The following ZBTB20 variants were observed in gnomAD, a reference collection of about 807,000 sequenced individuals.
The protein encoded by ZBTB20 is zinc finger and BTB domain containing 20.
A neutral mutation model predicts 56.9 loss-of-function variants in ZBTB20; 9 were observed. That is an observed-to-expected ratio of 0.16 (90% confidence interval 0.10 to 0.28). The LOEUF is 0.28. Ranked by LOEUF, ZBTB20 falls within the 10% of genes least tolerant of loss-of-function variation. The pLI is 1.00. For synonymous variants in ZBTB20, 417 were observed against 420.7 expected (o/e 0.99, Z 0.11); for missense variants, 655 against 1,003.0 (o/e 0.65, Z 4.69).
chr3:114,755,786 GC>G (rs2067968244), intron 5 of ZBTB20, among the ~76,000 whole-genome samples: 1 of 152,096 alleles, frequency 6.6e-6, no homozygotes, highest in Non-Finnish European at 1.5e-5. Flanking sequence ...GGTATCTGCA[GC>G]CTTCAATTCT....
intron 7 of ZBTB20, among the ~76,000 whole-genome samples, chr3:114,479,134 A>G (rs1387856288): frequency 6.6e-6 from 1 of 151,496 alleles, no homozygotes; most frequent in Admixed American, 6.6e-5. Context: ...TGTGAGTTCT[A>G]TTTTGGATTT....
At chr3:114,882,144 G>C (rs2076423439) in intron 4 of ZBTB20, among the ~76,000 whole-genome samples, 1 of 151,800 alleles carries the variant, frequency 6.6e-6, no homozygotes, top group Non-Finnish European at 1.5e-5. Context: ...ATACAGAAAA[G>C]TATTATAGCC....
intron 4 of ZBTB20, among the ~76,000 whole-genome samples, chr3:114,814,944 G>A (rs1424948483): frequency 6.6e-6 from 1 of 152,082 alleles, no homozygotes; most frequent in Non-Finnish European, 1.5e-5. Context: ...CTCCATATGA[G>A]ATAAGAAAGG....
intron 2 of ZBTB20, among the ~76,000 whole-genome samples, chr3:114,986,730 T>C (rs888436003): frequency 1.3e-5 from 2 of 152,122 alleles, no homozygotes; most frequent in African/African-American, 4.8e-5. Flanking sequence ...TTAAACGCAT[T>C]ATATGTTTTT....
Position 114,339,734 on chromosome 3 carries a change from A to G in ZBTB20, c.1805-308T>C, listed in dbSNP as rs1267212962. Among the ~76,000 whole-genome samples the G allele has an allele frequency of 1.3e-5, 2 of 152,184 alleles. No individual in the cohort carries two copies. Among genetic ancestry groups the G allele is most frequent in the Non-Finnish European group, 2.9e-5 (2 of 68,014 alleles). On this transcript the variant is annotated intron_variant, in intron 11 of 11. Coordinates refer to ENST00000675478, the MANE Select transcript of ZBTB20 (RefSeq NM_001348800.3). The surrounding 1 kb of genome is among the most constrained non-coding windows in gnomAD (Gnocchi z 4.2). ...AAGTCTTCAAGGTCACTCCGTGGAAAAGGGAGGGCTACTTTTGAAGGGGGT... is the reference window on the plus strand; with the variant it reads ...AAGTCTTCAAGGTCACTCCGTGGAAGAGGGAGGGCTACTTTTGAAGGGGGT...
At chr3:114,486,713 C>G (rs926675760) in intron 7 of ZBTB20, among the ~76,000 whole-genome samples, 1 of 152,126 alleles carries the variant, frequency 6.6e-6, no homozygotes. Context: ...ACACGGTTCT[C>G]TCATTCAAAG....
At chr3:114,433,225 G>T (rs536946461) in intron 7 of ZBTB20, among the ~76,000 whole-genome samples, 1 of 152,196 alleles carries the variant, frequency 6.6e-6, no homozygotes, top group Non-Finnish European at 1.5e-5. Flanking sequence ...CTAAGCTCAA[G>T]TCAGGAACCA....
intron 1 of ZBTB20, among the ~76,000 whole-genome samples, chr3:115,093,736 C>T (rs979116373): frequency 1.3e-5 from 2 of 152,022 alleles, no homozygotes; most frequent in African/African-American, 4.8e-5. Flanking sequence ...CAACTCCGAA[C>T]CCAAGAATTA....
intron 6 of ZBTB20, among the ~76,000 whole-genome samples, chr3:114,525,286 C>CCCTAA (rs1159186109): frequency 1.3e-5 from 2 of 151,992 alleles, no homozygotes; most frequent in Non-Finnish European, 2.9e-5. Context: ...AATAAATGCC[C>CCCTAA]CCTATAACAT....
intron 6 of ZBTB20, among the ~76,000 whole-genome samples, chr3:114,623,800 C>A (rs917052069): frequency 6.6e-6 from 1 of 151,604 alleles, no homozygotes; most frequent in Admixed American, 6.6e-5. Context: ...TACCTCCCTG[C>A]CCCCACTCAC....
chr3:114,993,768 T>C (rs2078916521), intron 2 of ZBTB20, among the ~76,000 whole-genome samples: 1 of 151,848 alleles, frequency 6.6e-6, no homozygotes, highest in Non-Finnish European at 1.5e-5. Context: ...TGGTTCTTAG[T>C]GGAAAATTTA....
chr3:115,096,169 T>C lies in ZBTB20; in HGVS notation c.-702-24755A>G, dbSNP rs376383907. On this transcript the variant is annotated intron_variant, in intron 1 of 11. Coordinates refer to ENST00000675478, the MANE Select transcript of ZBTB20 (RefSeq NM_001348800.3). ...AACAAATTATTTTAAAGATTTGGTT[T>C]CTAATTTAATGATAACTCTGGCAGG... 1.1e-3 allele frequency among the ~76,000 whole-genome samples: 163 copies of C among 152,352 alleles called. 1 individual carries two copies. The highest frequency in any genetic ancestry group is 1.4e-3 in the Non-Finnish European group (97 of 68,026).
Position 114,350,137 on chromosome 3 carries a change from T to C in ZBTB20, c.1804+137A>G. On this transcript the variant is annotated intron_variant, in intron 11 of 11. Transcript: ENST00000675478. ...ATGGGAGGAACACAGTTGGGGTTTC[T>C]AGAAGAGGCTTGTGGTGGGGTCTGT... 13 of 1,291,318 alleles carry C rather than the reference T, an allele frequency of 1.0e-5. No individual in the cohort carries two copies. In the South Asian group the frequency reaches 2.0e-4, roughly 19 times the overall value. 80.0% of individuals were successfully genotyped at this position (1,291,318 alleles called of 1,614,324 possible).
intron 6 of ZBTB20, among the ~76,000 whole-genome samples, chr3:114,541,751 C>T (rs1028199467): frequency 1.3e-5 from 2 of 152,102 alleles, no homozygotes; most frequent in African/African-American, 4.8e-5. Context: ...TTTATGGGTG[C>T]ATCTAGCAGA....
At chr3:114,380,063 A>T (rs938392273) in intron 10 of ZBTB20, among the ~76,000 whole-genome samples, 154 bp downstream of exon 10, 3 of 152,204 alleles carry the variant, frequency 2.0e-5, no homozygotes, top group Admixed American at 1.3e-4. Context: ...AAACTTATAG[A>T]TATTGGCTGA....
intron 7 of ZBTB20, among the ~76,000 whole-genome samples, chr3:114,441,976 A>C (rs1425878544): frequency 6.6e-6 from 1 of 152,178 alleles, no homozygotes; most frequent in Non-Finnish European, 1.5e-5. Context: ...CAACAAATTT[A>C]CAAATTTTAT....
chr3:114,764,463 G>C (rs1298049), intron 5 of ZBTB20, among the ~76,000 whole-genome samples: 2,198 of 152,274 alleles, frequency 0.014, 59 homozygotes, highest in African/African-American at 0.049. Flanking sequence ...GCAGCTTGGG[G>C]TGCAGGCCCC....
At chr3:115,146,946 A>AGGCAGCCGCCGGGCGC (rs1336807504) in intron 1 of ZBTB20, among the ~76,000 whole-genome samples, 1 of 150,038 alleles carries the variant, frequency 6.7e-6, no homozygotes, top group African/African-American at 2.4e-5. Context: ...GGGTCGGGCG[A>AGGCAGCCGCCGGGCGC]GGCAGCCGCC....
intron 1 of ZBTB20, among the ~76,000 whole-genome samples, chr3:115,114,010 T>C (rs901973924): frequency 6.6e-6 from 1 of 152,296 alleles, no homozygotes; most frequent in Admixed American, 6.5e-5. Flanking sequence ...ATAATATACA[T>C]ACATTACTAC....
Sources: gnomAD v4.1 joint callset for allele counts (sites outside exome capture counted in the v4.1 genomes callset) on GRCh38, gnomAD v4.1.1 for gene constraint, Gnocchi (gnomAD v3.1) non-coding constraint, MANE v1.5 for transcripts, NCBI Gene and HGNC (gene_info 2026-07-23, HGNC 2026-07-21) for gene names.